The following AGO3 variants were observed in gnomAD, a reference collection of about 807,000 sequenced individuals.
AGO3 encodes argonaute RISC catalytic component 3.
AGO3 carries 16 observed loss-of-function variants against 105.5 expected under a neutral mutation model. The ratio of observed to expected loss-of-function variants is 0.15; its 90% CI spans 0.10 to 0.23. AGO3 has a LOEUF of 0.23. Among genes scored for constraint, AGO3 ranks in the 10% least tolerant of loss-of-function variants. The pLI is 1.00. For synonymous variants in AGO3, 340 were observed against 367.3 expected (o/e 0.93, Z 0.85); for missense variants, 534 against 1,088.0 (o/e 0.49, Z 7.16).
At chr1:35,982,533 A>G in intron 5 of AGO3, 1 of 630,532 alleles carries the variant, frequency 1.6e-6, no homozygotes, top group Non-Finnish European at 2.9e-6. Flanking sequence ...CAAATCAATG[A>G]AATAGGAAAA....
intron 5 of AGO3, among the ~76,000 whole-genome samples, chr1:35,974,395 T>C (rs1025177762): frequency 6.6e-6 from 1 of 152,168 alleles, no homozygotes; most frequent in African/African-American, 2.4e-5. Context: ...TTACAAAAAC[T>C]GGGTCACTTG....
Position 36,072,130 on chromosome 1 carries a change from A to G in AGO3, c.*16385A>G, listed in dbSNP as rs531293876. On this transcript the variant is annotated 3_prime_UTR_variant, in exon 19 of 19. Transcript: ENST00000373191. ...AAAAATATTATACTTCAGTTAAACT[A>G]TCTTCCCCACAGAAATTATTATACT... is the stretch of plus-strand genomic sequence containing the variant. 112 of 152,336 alleles carry G rather than the reference A, an allele frequency of 7.4e-4. No homozygotes were observed. The highest frequency in any genetic ancestry group is 2.6e-3 in the African/African-American group (109 of 41,578). The allele number at this position is 152,336 out of a possible 1,614,324, so 9.4% of individuals were successfully genotyped here.
Position 35,966,949 on chromosome 1 carries a change from C to G in AGO3, c.192-6C>G, listed in dbSNP as rs775600615. On this transcript the variant is annotated splice_region_variant and splice_polypyrimidine_tract_variant and intron_variant, in intron 2 of 18. Coordinates refer to ENST00000373191, the MANE Select transcript of AGO3 (RefSeq NM_024852.4). The stretch of plus-strand genomic sequence containing the variant: ...ATTATGTGAATATATTGTTTCCCTT[C>G]TTTAGGGAGGTGGTTGACTCAATGG... 6.2e-7 allele frequency: 1 copy of G among 1,603,632 alleles called. No homozygotes were observed.
intron 3 of AGO3, among the ~76,000 whole-genome samples, chr1:35,971,376 C>G (rs1020455181): frequency 3.3e-5 from 5 of 150,582 alleles, no homozygotes; most frequent in Non-Finnish European, 7.4e-5. Context: ...CCAAGCTGGT[C>G]TTGAACTCCT....
intron 5 of AGO3, among the ~76,000 whole-genome samples, chr1:35,997,222 T>A (rs1057061982): frequency 3.3e-5 from 5 of 151,662 alleles, no homozygotes; most frequent in Non-Finnish European, 5.9e-5. Flanking sequence ...GAGGTTGGAG[T>A]GAACTGAGAT....
chr1:35,982,884 C>T, intron 5 of AGO3: 1 of 431,198 alleles, frequency 2.3e-6, no homozygotes, highest in Non-Finnish European at 4.1e-6. Flanking sequence ...ATTGTTTTTG[C>T]AAATAAACTA....
rs187567794 is a variant in AGO3 at position 36,022,670 on chromosome 1, G to A, written c.1407-4444G>A. On this transcript the variant is annotated intron_variant, in intron 11 of 18. Coordinates refer to ENST00000373191, the MANE Select transcript of AGO3 (RefSeq NM_024852.4). ...GCATAGGCTGGGCGCAGTGGCTCAC[G>A]ACTGTAATCCCAGCACTTTGGGAGG... Among the ~76,000 whole-genome samples the A allele has an allele frequency of 7.0e-3, 1,070 of 152,044 alleles. 10 individuals carry two copies. The highest frequency in any genetic ancestry group is 0.025 in the African/African-American group (1,016 of 41,464).
intron 12 of AGO3, among the ~76,000 whole-genome samples, chr1:36,033,366 G>A (rs965808121): frequency 6.6e-6 from 1 of 151,322 alleles, no homozygotes; most frequent in African/African-American, 2.4e-5. Context: ...ATGGCTGGGT[G>A]CAGTGGCTCT....
intron 3 of AGO3, among the ~76,000 whole-genome samples, chr1:35,967,806 C>A (rs1388279742): frequency 6.6e-6 from 1 of 152,104 alleles, no homozygotes; most frequent in African/African-American, 2.4e-5. Context: ...TGATATGATA[C>A]TTTTATTTAA....
chr1:36,031,834 A>G (rs1334984104), intron 12 of AGO3, among the ~76,000 whole-genome samples: 1 of 147,216 alleles, frequency 6.8e-6, no homozygotes, highest in South Asian at 2.1e-4. Flanking sequence ...ATGTTGTACT[A>G]TATGTCAGAA....
chr1:36,038,151 A>T (rs1388316813), intron 14 of AGO3, among the ~76,000 whole-genome samples: 10 of 152,062 alleles, frequency 6.6e-5, no homozygotes, highest in Admixed American at 6.6e-4. Context: ...TGTTTTGGGA[A>T]TGTTGAGAAA....
intron 5 of AGO3, among the ~76,000 whole-genome samples, chr1:36,003,435 C>T (rs1052040982): frequency 6.6e-6 from 1 of 151,974 alleles, no homozygotes. Flanking sequence ...TGGCTCATGC[C>T]TGTAATCCCA....
intron 17 of AGO3, among the ~76,000 whole-genome samples, chr1:36,051,753 AAAT>A (rs1392282837): frequency 6.6e-6 from 1 of 152,220 alleles, no homozygotes; most frequent in African/African-American, 2.4e-5. Context: ...TCAACAGCAA[AAAT>A]AATAATAATA....
chr1:36,023,037 T>C (rs1217672890), intron 11 of AGO3, among the ~76,000 whole-genome samples: 1 of 152,188 alleles, frequency 6.6e-6, no homozygotes, highest in Non-Finnish European at 1.5e-5. Context: ...TTATTTGCCA[T>C]TAACTGCCAG....
intron 5 of AGO3, among the ~76,000 whole-genome samples, chr1:36,000,348 T>G (rs983188226): frequency 2.0e-5 from 3 of 152,190 alleles, no homozygotes; most frequent in African/African-American, 7.2e-5. Flanking sequence ...TTACTAAATT[T>G]AATTTTTACC....
chr1:36,009,041 A>G lies in AGO3; in HGVS notation c.1026A>G (p.Leu342=), dbSNP rs756917140. 14 of 1,566,244 alleles carry G rather than the reference A, an allele frequency of 8.9e-6. No individual in the cohort carries two copies. In the South Asian group the frequency reaches 1.3e-4, roughly 15 times the overall value. ...GQEQKHTYLP[L]EVCNIVAGQR... is the part of the protein sequence containing the mutation. The stretch of plus-strand genomic sequence containing the variant: ...AACAGAAACACACCTACCTGCCACT[A>G]GAAGTAATGCCTTCACACTGCTAAT... The change falls in exon 8 of 19, where the codon CTA becomes CTG. Residue 342 remains leucine, a synonymous_variant. Transcript: ENST00000373191.
chr1:35,952,067 A>G (rs1255528537), intron 2 of AGO3, among the ~76,000 whole-genome samples: 1 of 150,510 alleles, frequency 6.6e-6, no homozygotes, highest in Non-Finnish European at 1.5e-5. Flanking sequence ...CTTGCCAACC[A>G]CTAATCTACT....
intron 11 of AGO3, among the ~76,000 whole-genome samples, chr1:36,024,360 CTCCTGGACTTAAGCAG>C (rs1641392429): frequency 6.6e-6 from 1 of 152,080 alleles, no homozygotes. Context: ...TGGTCTCGAA[CTCCTGGACTTAAGCAG>C]TCCTCCTGCC....
intron 12 of AGO3, among the ~76,000 whole-genome samples, chr1:36,029,441 T>TTGGAGTG (rs1380775870): frequency 6.8e-6 from 1 of 147,946 alleles, no homozygotes; most frequent in African/African-American, 2.5e-5. Flanking sequence ...GTCGCCCAGG[T>TTGGAGTG]TGGAGTGCAG....
Sources: gnomAD v4.1 joint callset for allele counts (sites outside exome capture counted in the v4.1 genomes callset) on GRCh38, gnomAD v4.1.1 for gene constraint, MANE v1.5 for transcripts, NCBI Gene and HGNC (gene_info 2026-07-23, HGNC 2026-07-21) for gene names.